HEBP2: variants seen among roughly 807,000 people sequenced by gnomAD.
HEBP2 encodes heme binding protein 2.
Under a neutral mutation model 23.1 loss-of-function variants are expected in HEBP2, and 27 were observed. The observed-to-expected ratio is 1.17, with a 90% CI of 0.86 to 1.61. The LOEUF (loss-of-function observed/expected upper bound fraction) is 1.61, where lower values mean the gene tolerates loss of function less well. HEBP2 is among the 40% of genes most tolerant of loss of function. The pLI is 0.00. For missense variants in HEBP2, 245 were observed against 253.8 expected (o/e 0.97, Z 0.24); for synonymous variants, 99 against 95.1 (o/e 1.04, Z -0.24).
At chr6:138,403,673 A>G (rs7740806), upstream of HEBP2, 401 of 421,238 alleles carry the variant, frequency 9.5e-4, 1 homozygote, top group African/African-American at 7.3e-3. Context: ...ACAGAGCCGC[A>G]CCCCACTCGG....
rs188737699 is a variant in HEBP2 at position 138,409,338 on chromosome 6, A to G, written c.419+3187A>G. 2.6e-5 allele frequency among the ~76,000 whole-genome samples: 4 copies of G among 152,292 alleles called. No individual in the cohort carries two copies. In the East Asian group the frequency reaches 7.7e-4, roughly 29 times the overall value. ...GTCAAGACAGCTTCCTGAGCAAGGA[A>G]TTTACAGTCACCATCAGCACAATGT... On this transcript the variant is annotated intron_variant, in intron 3 of 3. Coordinates refer to ENST00000607197, the MANE Select transcript of HEBP2 (RefSeq NM_014320.3).
chr6:138,409,113 A>G (rs1400156691), intron 3 of HEBP2, among the ~76,000 whole-genome samples: 1 of 151,898 alleles, frequency 6.6e-6, no homozygotes, highest in Non-Finnish European at 1.5e-5. Context: ...TGCAGCCTGG[A>G]ACATCTGGGC....
Position 138,412,907 on chromosome 6 carries a change from A to G in HEBP2, c.447A>G (p.Gln149=), listed in dbSNP as rs1385859634. The change falls in exon 4 of 4, where the codon CAA becomes CAG. Residue 149 remains glutamine, a synonymous_variant. Coordinates refer to ENST00000607197, the MANE Select transcript of HEBP2 (RefSeq NM_014320.3). The part of the protein sequence containing the change: ...VRSFDGFSSA[Q]KNQEQLLTLA... ...CTTTCGATGGATTTTCTAGTGCCCA[A>G]AAGAATCAAGAACAACTTTTGACAT... is the stretch of plus-strand genomic sequence containing the variant. The G allele has an allele frequency of 5.6e-6, 9 of 1,613,966 alleles. No individual in the cohort carries two copies. The highest frequency in any genetic ancestry group is 5.3e-5 in the African/African-American group (4 of 74,944).
intron 3 of HEBP2, among the ~76,000 whole-genome samples, chr6:138,411,822 G>T (rs894611526): frequency 6.6e-6 from 1 of 152,152 alleles, no homozygotes; most frequent in Non-Finnish European, 1.5e-5. Context: ...AGTCCGATGT[G>T]CACCTGTGGT....
chr6:138,408,510 C>A lies in HEBP2; in HGVS notation c.419+2359C>A, dbSNP rs775357056. ...GAGACCTTATGAGAATGGCCTTTAC[C>A]GCAAATCACCATGATCTGGTATGAC... On this transcript the variant is annotated intron_variant, in intron 3 of 3. Coordinates refer to ENST00000607197, the MANE Select transcript of HEBP2 (RefSeq NM_014320.3). 3.4e-3 allele frequency among the ~76,000 whole-genome samples: 524 copies of A among 152,150 alleles called. 3 individuals carry two copies. Among genetic ancestry groups the A allele is most frequent in the Non-Finnish European group, 4.3e-3 (293 of 67,994 alleles).
chr6:138,404,478 A>G lies in HEBP2; in HGVS notation c.-18A>G. 4 of 1,264,110 alleles carry G rather than the reference A, an allele frequency of 3.2e-6. No homozygotes were observed. Among genetic ancestry groups the G allele is most frequent in the Admixed American group, 4.1e-5 (1 of 24,144 alleles). 78.3% of individuals were successfully genotyped at this position (1,264,110 alleles called of 1,614,324 possible). ...CCTCTGCGCGGCTGACCAGGCTCCCAGAGCGTCAGCGCCGCCCATGGCCGA... is the reference window on the plus strand; with the variant it reads ...CCTCTGCGCGGCTGACCAGGCTCCCGGAGCGTCAGCGCCGCCCATGGCCGA... On this transcript the variant is annotated 5_prime_UTR_variant, in exon 1 of 4. Transcript: ENST00000607197.
chr6:138,410,612 A>C (rs1774729685), intron 3 of HEBP2, among the ~76,000 whole-genome samples: 1 of 151,828 alleles, frequency 6.6e-6, no homozygotes, highest in African/African-American at 2.4e-5. Flanking sequence ...CCTCCCGAGT[A>C]GCTGGGATTA....
At position 138,415,513 on chromosome 6, in the gene HEBP2, T is replaced by C. The variant is rs1359414596; in HGVS notation, c.*2435T>C. 2.0e-5 allele frequency: 3 copies of C among 152,310 alleles called. No individual in the cohort carries two copies. Among genetic ancestry groups the C allele is most frequent in the East Asian group, 3.9e-4 (2 of 5,188 alleles). The allele number at this position is 152,310 out of a possible 1,614,324, so 9.4% of individuals were successfully genotyped here. On this transcript the variant is annotated 3_prime_UTR_variant, in exon 4 of 4. Coordinates refer to ENST00000607197, the MANE Select transcript of HEBP2 (RefSeq NM_014320.3). ...AAGAGACAAGGACAGTGGGCTTCCA[T>C]GGTTATTGCTGAGTTGGATTGACGT...
chr6:138,412,796 G>A (rs978052322), intron 3 of HEBP2, 84 bp from the exon 4 acceptor site: 5 of 1,171,364 alleles, frequency 4.3e-6, no homozygotes, highest in East Asian at 4.7e-5. Flanking sequence ...CAGCATTCAC[G>A]GTACTAGCGC....
At chr6:138,410,733 G>A (rs80265037) in intron 3 of HEBP2, among the ~76,000 whole-genome samples, 3 of 152,162 alleles carry the variant, frequency 2.0e-5, no homozygotes, top group South Asian at 2.1e-4. Flanking sequence ...TGATCCACCC[G>A]CCTTGGCTTC....
intron 3 of HEBP2, among the ~76,000 whole-genome samples, chr6:138,410,322 A>G (rs1583104300): frequency 2.0e-5 from 3 of 152,328 alleles, no homozygotes; most frequent in Admixed American, 1.3e-4. Flanking sequence ...AACAACACAC[A>G]GTCAGAGAAC....
At chr6:138,406,979 C>T (rs1396210809) in intron 3 of HEBP2, among the ~76,000 whole-genome samples, 3 of 152,022 alleles carry the variant, frequency 2.0e-5, no homozygotes, top group East Asian at 1.9e-4. Flanking sequence ...TGCAGTGAGC[C>T]GTAATTGCAC....
chr6:138,412,952 A>C lies in HEBP2; in HGVS notation c.492A>C (p.Glu164Asp). The change falls in exon 4 of 4, where the codon GAA (glutamate) becomes GAC (aspartate). Residue 164 changes from glutamate to aspartate, a missense_variant. Glu to Asp is a conservative substitution (Grantham distance 45). Transcript: ENST00000607197. ...TGACATTAGCAAGCATTTTAAGGGA[A>C]GATGGAAAAGTTTTCGATGAGAAGG... The part of the protein sequence containing the change: ...QLLTLASILR[E>D]DGKVFDEKVY... The C allele has an allele frequency of 2.5e-6, 4 of 1,614,172 alleles. No homozygotes were observed. The highest frequency in any genetic ancestry group is 3.4e-6 in the Non-Finnish European group (4 of 1,180,008).
At chr6:138,403,613 G>A (rs187520313), upstream of HEBP2, 152 of 451,472 alleles carry the variant, frequency 3.4e-4, no homozygotes, top group African/African-American at 2.9e-3. Flanking sequence ...CCCGCCGCAG[G>A]GGACAGTAAC....
chr6:138,405,147 C>T lies in HEBP2; in HGVS notation c.105C>T (p.Pro35=). The T allele has an allele frequency of 5.0e-6, 8 of 1,609,504 alleles. No individual in the cohort carries two copies. The highest frequency in any genetic ancestry group is 6.8e-6 in the Non-Finnish European group (8 of 1,178,800). The change falls in exon 2 of 4, where the codon CCC becomes CCT. Residue 35 remains proline, a splice_region_variant and synonymous_variant. Transcript: ENST00000607197. ...AAGTTTTCTCTGTTCCACTTTAGCCCGGAAGTTATGAGATCCGACACTATG... is the reference window on the plus strand; with the variant it reads ...AAGTTTTCTCTGTTCCACTTTAGCCTGGAAGTTATGAGATCCGACACTATG... The part of the protein sequence containing the change: ...WKAPEDAGPQ[P]GSYEIRHYGP...
In HEBP2 at chr6:138,420,336, A is replaced by G. The variant is rs1271475090; in HGVS notation, c.*7258A>G. 1 of 152,186 alleles carries G rather than the reference A, an allele frequency of 6.6e-6. No individual in the cohort carries two copies. The highest frequency in any genetic ancestry group is 1.9e-4 in the East Asian group (1 of 5,190). 9.4% of individuals were successfully genotyped at this position (152,186 alleles called of 1,614,324 possible). A position where few individuals can be genotyped will look rare whatever the true frequency, so the allele number is the denominator to read the frequency against. ...CTACCAAACTCCTCTTTCAACATTT[A>G]TCCTCAGGAAGAGAGGTCCATTGGC... is the stretch of plus-strand genomic sequence containing the variant. On this transcript the variant is annotated 3_prime_UTR_variant, in exon 4 of 4. Coordinates refer to ENST00000607197, the MANE Select transcript of HEBP2 (RefSeq NM_014320.3).
intron 1 of HEBP2, 34 bp downstream of exon 1, chr6:138,404,631 C>A: frequency 8.1e-7 from 1 of 1,237,346 alleles, no homozygotes; most frequent in Non-Finnish European, 1.0e-6. Flanking sequence ...GGGGCTGGGC[C>A]CGCCTTCCGG....
upstream of HEBP2, chr6:138,403,669 C>G: frequency 2.4e-6 from 1 of 423,760 alleles, no homozygotes; most frequent in South Asian, 5.9e-5. Flanking sequence ...GGGAACAGAG[C>G]CGCACCCCAC....
intron 3 of HEBP2, among the ~76,000 whole-genome samples, chr6:138,409,239 C>G (rs1310220353): frequency 2.6e-5 from 4 of 152,130 alleles, no homozygotes; most frequent in Non-Finnish European, 5.9e-5. Context: ...TCGTCTTGAA[C>G]TCCTGGGCTC....
Sources: gnomAD v4.1 joint callset for allele counts (sites outside exome capture counted in the v4.1 genomes callset) on GRCh38, gnomAD v4.1.1 for gene constraint, MANE v1.5 for transcripts, NCBI Gene and HGNC (gene_info 2026-07-23, HGNC 2026-07-21) for gene names.